SLCO3A1: variants seen among roughly 807,000 people sequenced by gnomAD.
The protein encoded by SLCO3A1 is solute carrier organic anion transporter family member 3A1, also known as PGE1 transporter.
Under a neutral mutation model 63.1 loss-of-function variants are expected in SLCO3A1, and 27 were observed. The ratio of observed to expected loss-of-function variants is 0.43; its 90% CI spans 0.32 to 0.59. The LOEUF is 0.59. Ranked by LOEUF, SLCO3A1 falls within the 20% of genes least tolerant of loss-of-function variation. SLCO3A1 has a pLI of 0.09. For missense variants in SLCO3A1, 773 were observed against 945.8 expected, an observed-to-expected ratio of 0.82 and a Z score of 2.40; for synonymous variants, 473 against 409.9, an observed-to-expected ratio of 1.15 and a Z score of -1.86.
chr15:92,163,212 A>G lies in SLCO3A1; in HGVS notation c.*77A>G. Reference sequence around the variant, plus strand: ...CTTAAAAAAAGAAAAAAAGGTTCCAAAAAAAACCAAAACTCAGTACACACA... The same window carrying G: ...CTTAAAAAAAGAAAAAAAGGTTCCAGAAAAAACCAAAACTCAGTACACACA... On this transcript the variant is annotated 3_prime_UTR_variant, in exon 10 of 10. Transcript: ENST00000318445. 2 of 1,450,974 alleles carry G rather than the reference A, an allele frequency of 1.4e-6. No homozygotes were observed. Among genetic ancestry groups the G allele is most frequent in the Middle Eastern group, 2.0e-4 (1 of 4,954 alleles). 89.9% of individuals were successfully genotyped at this position (1,450,974 alleles called of 1,614,324 possible).
exon 11 of SLCO3A1, chr15:92,172,209 T>G: frequency 4.8e-6 from 1 of 208,324 alleles, no homozygotes; most frequent in Non-Finnish European, 9.6e-6. Context: ...GGAATGCTCC[T>G]CTGACTGAGG....
At chr15:92,091,387 T>G (rs1159208437) in intron 2 of SLCO3A1, among the ~76,000 whole-genome samples, 1 of 152,218 alleles carries the variant, frequency 6.6e-6, no homozygotes, top group Non-Finnish European at 1.5e-5. Flanking sequence ...ACAGGGATCC[T>G]GCATCTCAGT....
At chr15:91,921,959 T>C (rs538135652) in intron 2 of SLCO3A1, among the ~76,000 whole-genome samples, 7 of 152,044 alleles carry the variant, frequency 4.6e-5, no homozygotes, top group Non-Finnish European at 1.0e-4. Flanking sequence ...GCTCTCGAAC[T>C]CCTGACCTCA....
chr15:92,148,583 C>G (rs1355395633), intron 8 of SLCO3A1, among the ~76,000 whole-genome samples: 1 of 152,174 alleles, frequency 6.6e-6, no homozygotes, highest in African/African-American at 2.4e-5. Context: ...CTGACAAAAT[C>G]ACAAATTGCT....
At chr15:92,119,063 G>A (rs1281576676) in intron 4 of SLCO3A1, among the ~76,000 whole-genome samples, 1 of 152,138 alleles carries the variant, frequency 6.6e-6, no homozygotes, top group Non-Finnish European at 1.5e-5. Context: ...TTTGTTGTAA[G>A]GACATATTAA....
chr15:91,940,659 A>T (rs185720503), intron 2 of SLCO3A1, among the ~76,000 whole-genome samples: 1 of 152,140 alleles, frequency 6.6e-6, no homozygotes, highest in Non-Finnish European at 1.5e-5. Context: ...TCACATGCTC[A>T]TGTGAGTCGA....
At chr15:92,127,630 C>T (rs1213882585) in intron 6 of SLCO3A1, among the ~76,000 whole-genome samples, 2 of 152,196 alleles carry the variant, frequency 1.3e-5, no homozygotes, top group African/African-American at 4.8e-5. Flanking sequence ...AAAGAAGAGA[C>T]ATTTCCTCTC....
chr15:91,872,583 C>G lies in SLCO3A1; in HGVS notation c.180+18495C>G, dbSNP rs1897306933. Among the ~76,000 whole-genome samples the G allele has an allele frequency of 6.6e-6, 1 of 152,080 alleles. No homozygotes were observed. The highest frequency in any genetic ancestry group is 2.4e-5 in the African/African-American group (1 of 41,408). On this transcript the variant is annotated intron_variant, in intron 1 of 9. Coordinates refer to ENST00000318445, the MANE Select transcript of SLCO3A1 (RefSeq NM_013272.4). The surrounding 1 kb of genome is among the most constrained non-coding windows in gnomAD (Gnocchi z 4.1). ...AAGAAAGAAAGAACGTGCCCAAGCC[C>G]AAGTTGGCACAGCTAGTGTTTGATC...
chr15:92,017,030 A>G (rs1197885998), intron 2 of SLCO3A1, among the ~76,000 whole-genome samples: 2 of 152,156 alleles, frequency 1.3e-5, no homozygotes, highest in Non-Finnish European at 1.5e-5. Flanking sequence ...CTCAACACCC[A>G]CTTTTGATGG....
intron 2 of SLCO3A1, among the ~76,000 whole-genome samples, chr15:92,075,766 C>T (rs997531185): frequency 1.3e-5 from 2 of 152,210 alleles, no homozygotes; most frequent in African/African-American, 2.4e-5. Context: ...AGACCTCCAT[C>T]CTGCTCCACA....
Position 92,165,479 on chromosome 15 carries a change from T to A in SLCO3A1, c.*2344T>A, listed in dbSNP as rs1019795905. 3.0e-6 allele frequency: 3 copies of A among 984,016 alleles called. No individual in the cohort carries two copies. Among genetic ancestry groups the A allele is most frequent in the Non-Finnish European group, 3.6e-6 (3 of 828,910 alleles). 61.0% of individuals were successfully genotyped at this position (984,016 alleles called of 1,614,324 possible). ...CACACTGAGGCCCTTTGACCTAGTGTTTTATGGAACTATTTGCTTTGAGAG... is the reference window on the plus strand; with the variant it reads ...CACACTGAGGCCCTTTGACCTAGTGATTTATGGAACTATTTGCTTTGAGAG... On this transcript the variant is annotated 3_prime_UTR_variant, in exon 10 of 10. Coordinates refer to ENST00000318445, the MANE Select transcript of SLCO3A1 (RefSeq NM_013272.4).
chr15:92,090,683 C>G (rs1039498595), intron 2 of SLCO3A1, among the ~76,000 whole-genome samples: 2 of 152,152 alleles, frequency 1.3e-5, no homozygotes, highest in Admixed American at 1.3e-4. Context: ...CCCTCTCCCC[C>G]AAAGATAGCT....
At position 91,860,650 on chromosome 15, in the gene SLCO3A1, C is replaced by G. The variant is rs919417971; in HGVS notation, c.180+6562C>G. On this transcript the variant is annotated intron_variant, in intron 1 of 9. Transcript: ENST00000318445. The surrounding 1 kb of genome is among the most constrained non-coding windows in gnomAD (Gnocchi z 5.5). ...GCTGAGTGACCAATTCAAGGGAGCC[C>G]GAGGTGTCAGGAGGGCGAGGACAAA... is the stretch of plus-strand genomic sequence containing the variant. 6.6e-6 allele frequency among the ~76,000 whole-genome samples: 1 copy of G among 152,146 alleles called. No individual in the cohort carries two copies. The highest frequency in any genetic ancestry group is 2.4e-5 in the African/African-American group (1 of 41,420).
rs552692486 is a variant in SLCO3A1 at position 91,962,278 on chromosome 15, G to A, written c.646+45820G>A. On this transcript the variant is annotated intron_variant, in intron 2 of 9. Transcript: ENST00000318445. ...ATGGATCACCTGAGGTCGGGAGTTCGAGACCAACCTGACCAACATGGAGAA... is the reference window on the plus strand; with the variant it reads ...ATGGATCACCTGAGGTCGGGAGTTCAAGACCAACCTGACCAACATGGAGAA... Among the ~76,000 whole-genome samples, 68 of 152,130 alleles carry A rather than the reference G, an allele frequency of 4.5e-4. 1 individual carries two copies. The South Asian group carries it at 0.013, about 30-fold the overall frequency.
intron 2 of SLCO3A1, among the ~76,000 whole-genome samples, chr15:91,946,207 T>A (rs566610415): frequency 6.6e-6 from 1 of 152,264 alleles, no homozygotes; most frequent in Non-Finnish European, 1.5e-5. Context: ...TAGAGATAAT[T>A]AGGGCAGCGT....
At chr15:92,104,899 G>C (rs1410443358) in intron 4 of SLCO3A1, among the ~76,000 whole-genome samples, 1 of 151,844 alleles carries the variant, frequency 6.6e-6, no homozygotes, top group Non-Finnish European at 1.5e-5. Context: ...AGCAATAAAG[G>C]AATTTTGAAG....
Position 91,939,529 on chromosome 15 carries a change from G to C in SLCO3A1, c.646+23071G>C, listed in dbSNP as rs542613223. On this transcript the variant is annotated intron_variant, in intron 2 of 9. Coordinates refer to ENST00000318445, the MANE Select transcript of SLCO3A1 (RefSeq NM_013272.4). ...CTTCCCCCATGGTTCGCTGGCTGCA[G>C]CCAGGCCTGGCAGAGGTGGGCAGAT... Among the ~76,000 whole-genome samples, 11 of 152,284 alleles carry C rather than the reference G, an allele frequency of 7.2e-5. No homozygotes were observed. The East Asian group carries it at 1.7e-3, about 24-fold the overall frequency.
intron 2 of SLCO3A1, among the ~76,000 whole-genome samples, chr15:91,949,469 A>C (rs868031107): frequency 6.6e-6 from 1 of 152,034 alleles, no homozygotes; most frequent in Non-Finnish European, 1.5e-5. Flanking sequence ...ATCCCTACTA[A>C]AAATATAAAA....
rs2048296116 is a variant in SLCO3A1, at chr15:92,150,883, G to A, written c.1689-67G>A. The A allele has an allele frequency of 3.6e-6, 4 of 1,117,928 alleles. No individual in the cohort carries two copies. The South Asian group carries it at 4.1e-5, about 11-fold the overall frequency. The allele number at this position is 1,117,928 out of a possible 1,614,324, so 69.3% of individuals were successfully genotyped here. The stretch of plus-strand genomic sequence containing the variant: ...GATGGACAGCAGCAAATGACTCTGG[G>A]GTCTGTTAATTACAGGGGAATGATA... On this transcript the variant is annotated intron_variant, in intron 8 of 9. Transcript: ENST00000318445.
Sources: gnomAD v4.1 joint callset for allele counts (sites outside exome capture counted in the v4.1 genomes callset) on GRCh38, gnomAD v4.1.1 for gene constraint, Gnocchi (gnomAD v3.1) non-coding constraint, MANE v1.5 for transcripts, NCBI Gene and HGNC (gene_info 2026-07-23, HGNC 2026-07-21) for gene names.